Variants in AGAP1 observed in about 807,000 individuals in gnomAD.
AGAP1 encodes the protein ArfGAP with GTPase domain, ankyrin repeat and PH domain 1, also known as arf-GAP with GTPase, ANK repeat and PH domain-containing protein 1.
Under a neutral mutation model 105.3 loss-of-function variants are expected in AGAP1, and 29 were observed. That is an observed-to-expected ratio of 0.28 (90% CI 0.21 to 0.38). The LOEUF (loss-of-function observed/expected upper bound fraction) is 0.38. Among genes scored for constraint, AGAP1 ranks in the 10% least tolerant of loss-of-function variants. The probability of loss-of-function intolerance (pLI) is 1.00; values close to 1 mark genes in which losing one functional copy is unlikely to be tolerated. For synonymous variants in AGAP1, 509 were observed against 485.9 expected (o/e 1.05, Z -0.63); for missense variants, 998 against 1,165.1 (o/e 0.86, Z 2.09).
intron 13 of AGAP1, among the ~76,000 whole-genome samples, chr2:236,028,221 T>A (rs942075152): frequency 1.3e-5 from 2 of 152,190 alleles, no homozygotes; most frequent in Non-Finnish European, 2.9e-5. Context: ...CTCTTTACTC[T>A]GTTGGGCCTT....
chr2:235,814,997 G>A (rs1202597612), intron 9 of AGAP1, among the ~76,000 whole-genome samples: 1 of 152,100 alleles, frequency 6.6e-6, no homozygotes, highest in Non-Finnish European at 1.5e-5. Flanking sequence ...GAGATGATGG[G>A]GGTTCTGATG....
At chr2:235,564,781 C>G (rs9653217) in intron 1 of AGAP1, among the ~76,000 whole-genome samples, 1,698 of 102,166 alleles carry the variant, frequency 0.017, 7 homozygotes, top group Non-Finnish European at 0.022. Flanking sequence ...CCAGCACCCA[C>G]GGCCAGGTGT....
chr2:235,515,726 A>G (rs958073991), intron 1 of AGAP1, among the ~76,000 whole-genome samples: 2 of 152,234 alleles, frequency 1.3e-5, no homozygotes, highest in Non-Finnish European at 2.9e-5. Context: ...CACGGATGCT[A>G]ACCTGTAAGA....
intron 11 of AGAP1, among the ~76,000 whole-genome samples, chr2:235,923,974 C>T (rs2052319563): frequency 1.3e-5 from 2 of 151,100 alleles, no homozygotes; most frequent in Admixed American, 6.6e-5. Context: ...GGGACAGCCC[C>T]GAGCTTAGGA....
At chr2:235,698,712 G>A (rs1005237163) in intron 1 of AGAP1, among the ~76,000 whole-genome samples, 3 of 152,224 alleles carry the variant, frequency 2.0e-5, no homozygotes, top group Non-Finnish European at 4.4e-5. Context: ...TGTCTCCCTA[G>A]TGTGACAGCT....
At chr2:236,084,489 G>A (rs141469811) in intron 16 of AGAP1, among the ~76,000 whole-genome samples, 121 of 152,244 alleles carry the variant, frequency 7.9e-4, no homozygotes, top group African/African-American at 2.7e-3. Flanking sequence ...TAAAGAAAAT[G>A]CAGGATGCAA....
At chr2:235,852,878 ACTCCAGATCGG>A (rs1397204423) in intron 9 of AGAP1, 4 of 1,352,670 alleles carry the variant, frequency 3.0e-6, no homozygotes, top group Non-Finnish European at 3.8e-6. Context: ...ATAGAGGTGA[ACTCCAGATCGG>A]CCGATAGCTT....
In AGAP1 at chr2:236,078,670, T is replaced by C. The variant is rs1389060641; in HGVS notation, c.2114+29389T>C. Among the ~76,000 whole-genome samples the C allele has an allele frequency of 1.3e-5, 2 of 152,152 alleles. No homozygotes were observed. The highest frequency in any genetic ancestry group is 2.9e-5 in the Non-Finnish European group (2 of 68,026). On this transcript the variant is annotated intron_variant, in intron 16 of 17. Coordinates refer to ENST00000304032, the MANE Select transcript of AGAP1 (RefSeq NM_001037131.3). This position sits in a 1 kb window ranked among gnomAD's most constrained non-coding sequence, Gnocchi z 5.3. ...TAGCATTTCTTGACTCCAGATGGGT[T>C]TCACACACGTCTGTCCCCTACCTGG...
intron 1 of AGAP1, among the ~76,000 whole-genome samples, chr2:235,605,591 A>G (rs891100720): frequency 6.6e-6 from 1 of 152,216 alleles, no homozygotes; most frequent in East Asian, 1.9e-4. Context: ...CCAATTATTC[A>G]AGACACCCTA....
intron 9 of AGAP1, among the ~76,000 whole-genome samples, chr2:235,881,233 T>G (rs2050008661): frequency 6.6e-6 from 1 of 152,240 alleles, no homozygotes; most frequent in Non-Finnish European, 1.5e-5. Context: ...TTAATTGGAC[T>G]TGAACTCAAT....
intron 9 of AGAP1, among the ~76,000 whole-genome samples, chr2:235,852,517 G>A (rs2048513826): frequency 6.6e-6 from 1 of 152,252 alleles, no homozygotes; most frequent in Non-Finnish European, 1.5e-5. Flanking sequence ...CAAGCATGCT[G>A]TGTGTGTATG....
intron 9 of AGAP1, among the ~76,000 whole-genome samples, chr2:235,831,254 A>T (rs957766365): frequency 1.5e-5 from 2 of 137,580 alleles, no homozygotes; most frequent in African/African-American, 7.1e-5. Context: ...AGTTGAGCAG[A>T]AGGACACCCA....
intron 6 of AGAP1, among the ~76,000 whole-genome samples, chr2:235,756,713 C>T (rs1313860170): frequency 6.6e-6 from 1 of 152,230 alleles, no homozygotes; most frequent in Non-Finnish European, 1.5e-5. Flanking sequence ...GCTCCGCCTC[C>T]TGTCGGATCA....
At position 235,738,295 on chromosome 2, in the gene AGAP1, C is replaced by T. The variant is rs576967566; in HGVS notation, c.311-2668C>T. Among the ~76,000 whole-genome samples the T allele has an allele frequency of 3.9e-5, 6 of 152,058 alleles. 1 individual carries two copies. The highest frequency in any genetic ancestry group is 3.9e-4 in the Admixed American group (6 of 15,282). ...TCCCTGTTTGCTGAGCTCCTCTGTC[C>T]CAAGCAGGGTTCTAAGAGCTTTTCA... On this transcript the variant is annotated intron_variant, in intron 3 of 17. Coordinates refer to ENST00000304032, the MANE Select transcript of AGAP1 (RefSeq NM_001037131.3).
chr2:235,976,759 T>C lies in AGAP1; in HGVS notation c.1645+8136T>C, dbSNP rs183411105. 6.2e-3 allele frequency among the ~76,000 whole-genome samples: 945 copies of C among 152,272 alleles called. 5 individuals are homozygous for C. Among genetic ancestry groups the C allele is most frequent in the Non-Finnish European group, 0.011 (748 of 68,022 alleles). ...GGAGCACAGGGCACCCCCAGCTGCC[T>C]GGAGGACCTCAGGGAGGTTCCCCAA... On this transcript the variant is annotated intron_variant, in intron 13 of 17. Transcript: ENST00000304032. This position sits in a 1 kb window ranked among gnomAD's most constrained non-coding sequence, Gnocchi z 4.5.
In AGAP1 at chr2:236,046,172, A is replaced by T. The variant is rs1361441338; in HGVS notation, c.1892-2887A>T. On this transcript the variant is annotated intron_variant, in intron 15 of 17. Coordinates refer to ENST00000304032, the MANE Select transcript of AGAP1 (RefSeq NM_001037131.3). The surrounding 1 kb of genome is among the most constrained non-coding windows in gnomAD (Gnocchi z 5.2). The stretch of plus-strand genomic sequence containing the variant: ...CTGGTAAGAGCTTAGGCAAGTGGCT[A>T]TGGGGATCCAGATGTGAGTGGAGAC... The T allele has an allele frequency of 2.6e-6, 1 of 386,536 alleles. No individual in the cohort carries two copies. Among genetic ancestry groups the T allele is most frequent in the East Asian group, 7.4e-5 (1 of 13,562 alleles). 23.9% of individuals were successfully genotyped at this position (386,536 alleles called of 1,614,324 possible).
intron 1 of AGAP1, among the ~76,000 whole-genome samples, chr2:235,594,895 T>TTTG (rs1553575354): frequency 1.4e-4 from 21 of 151,112 alleles, no homozygotes; most frequent in African/African-American, 4.9e-4. Context: ...TTTTTTTTTT[T>TTTG]TTTTTTTTTT....
Position 235,556,897 on chromosome 2 carries a change from T to G in AGAP1, c.163+62048T>G, listed in dbSNP as rs1378589691. ...GTGGTCTTTTGCTCTTCATTGGCAATGTAGAAGTCAAGTTTGAACTGAGGG... is the reference window on the plus strand; with the variant it reads ...GTGGTCTTTTGCTCTTCATTGGCAAGGTAGAAGTCAAGTTTGAACTGAGGG... On this transcript the variant is annotated intron_variant, in intron 1 of 17. Coordinates refer to ENST00000304032, the MANE Select transcript of AGAP1 (RefSeq NM_001037131.3). This position sits in a 1 kb window ranked among gnomAD's most constrained non-coding sequence, Gnocchi z 5.3. 1.3e-5 allele frequency among the ~76,000 whole-genome samples: 2 copies of G among 152,178 alleles called. No homozygotes were observed. The highest frequency in any genetic ancestry group is 2.9e-5 in the Non-Finnish European group (2 of 68,040).
chr2:235,858,774 C>T (rs934741185), intron 9 of AGAP1, among the ~76,000 whole-genome samples: 2 of 152,240 alleles, frequency 1.3e-5, no homozygotes, highest in Non-Finnish European at 2.9e-5. Flanking sequence ...CAGGGAGAGG[C>T]TTACTCATAT....
Sources: gnomAD v4.1 joint callset for allele counts (sites outside exome capture counted in the v4.1 genomes callset) on GRCh38, gnomAD v4.1.1 for gene constraint, Gnocchi (gnomAD v3.1) non-coding constraint, MANE v1.5 for transcripts, NCBI Gene and HGNC (gene_info 2026-07-23, HGNC 2026-07-21) for gene names.